SESTD1: variants seen among roughly 807,000 people sequenced by gnomAD.
SESTD1 encodes SEC14 and spectrin domain containing 1.
A neutral mutation model predicts 101.7 loss-of-function variants in SESTD1; 43 were observed. The ratio of observed to expected loss-of-function variants is 0.42; its 90% CI spans 0.33 to 0.55. The LOEUF (loss-of-function observed/expected upper bound fraction) is 0.55. Among genes scored for constraint, SESTD1 ranks in the 20% least tolerant of loss-of-function variants. The pLI is 0.07. For synonymous variants in SESTD1, 283 were observed against 286.8 expected (o/e 0.99, Z 0.13); for missense variants, 647 against 815.1 (o/e 0.79, Z 2.51).
intron 5 of SESTD1, among the ~76,000 whole-genome samples, chr2:179,162,315 C>A (rs747500853): frequency 6.6e-6 from 1 of 151,528 alleles, no homozygotes; most frequent in Non-Finnish European, 1.5e-5. Context: ...GGATATAAAT[C>A]CTCTGGAACA....
intron 1 of SESTD1, among the ~76,000 whole-genome samples, chr2:179,252,881 G>A (rs2047338235): frequency 1.3e-5 from 2 of 152,148 alleles, no homozygotes; most frequent in South Asian, 4.2e-4. Flanking sequence ...TTCCTCTCCT[G>A]GTTTGATACC....
intron 13 of SESTD1, among the ~76,000 whole-genome samples, chr2:179,120,106 A>G (rs1003935903): frequency 3.9e-5 from 6 of 151,960 alleles, no homozygotes; most frequent in African/African-American, 1.5e-4. Flanking sequence ...GCACCCGCCT[A>G]TAGTCCCAGC....
intron 12 of SESTD1, among the ~76,000 whole-genome samples, chr2:179,123,393 T>C (rs1355081052): frequency 6.6e-6 from 1 of 152,024 alleles, no homozygotes; most frequent in Non-Finnish European, 1.5e-5. Flanking sequence ...CCACAGAACA[T>C]TTCACAGCTA....
Position 179,258,869 on chromosome 2 carries a change from G to A in SESTD1, c.-26+5630C>T, listed in dbSNP as rs137989194. On this transcript the variant is annotated intron_variant, in intron 1 of 17. Transcript: ENST00000428443. The stretch of plus-strand genomic sequence containing the variant: ...TACTACTCTTAAGCACTGGCATTGG[G>A]ACACATTAACAATCCTCTATTTGTA... 2.3e-4 allele frequency among the ~76,000 whole-genome samples: 35 copies of A among 152,286 alleles called. 1 individual carries two copies. Among genetic ancestry groups the A allele is most frequent in the Middle Eastern group, 6.8e-3 (2 of 294 alleles).
At chr2:179,193,208 CTAAT>C (rs1194543143) in intron 1 of SESTD1, among the ~76,000 whole-genome samples, 3 of 152,080 alleles carry the variant, frequency 2.0e-5, no homozygotes, top group Non-Finnish European at 4.4e-5. Context: ...TTAAACAAGA[CTAAT>C]TAAACCAGTA....
chr2:179,118,567 AT>A (rs1369011258), intron 13 of SESTD1, among the ~76,000 whole-genome samples: 2 of 152,198 alleles, frequency 1.3e-5, no homozygotes, highest in Non-Finnish European at 2.9e-5. Flanking sequence ...TTAAAAAAAA[AT>A]AAAGATGCTC....
intron 1 of SESTD1, among the ~76,000 whole-genome samples, chr2:179,196,080 CGCAGGTCAGTGGGT>C (rs1559139257): frequency 1.3e-5 from 2 of 152,052 alleles, no homozygotes; most frequent in African/African-American, 2.4e-5. Context: ...AGACAGTGGG[CGCAGGTCAGTGGGT>C]GCACGCACCA....
chr2:179,229,138 G>C (rs1433382896), intron 1 of SESTD1, among the ~76,000 whole-genome samples: 1 of 152,092 alleles, frequency 6.6e-6, no homozygotes, highest in African/African-American at 2.4e-5. Flanking sequence ...AACTTGACTG[G>C]GCCATGAGAT....
chr2:179,153,502 T>G (rs547920757), intron 5 of SESTD1, among the ~76,000 whole-genome samples: 1 of 152,202 alleles, frequency 6.6e-6, no homozygotes, highest in South Asian at 2.1e-4. Flanking sequence ...ACTCTCTCGC[T>G]CTCTCTCTCA....
chr2:179,169,382 A>C (rs1575458265), intron 5 of SESTD1, among the ~76,000 whole-genome samples: 2 of 152,188 alleles, frequency 1.3e-5, no homozygotes, highest in East Asian at 3.8e-4. Context: ...GGCCCTACTC[A>C]CCAAGAAGAC....
chr2:179,115,906 G>C (rs1260225816), intron 15 of SESTD1, among the ~76,000 whole-genome samples: 1 of 152,114 alleles, frequency 6.6e-6, no homozygotes, highest in Non-Finnish European at 1.5e-5. Flanking sequence ...TTCAAAAGTA[G>C]GTGAAATTAG....
Position 179,216,370 on chromosome 2 carries a change from C to T in SESTD1, c.-25-24504G>A, listed in dbSNP as rs1332808244. ...GACACAGAGCCAAATCGTGAGTGAA[C>T]TCCCATTCACAATTGCTTCAGAGAA... On this transcript the variant is annotated intron_variant, in intron 1 of 17. Coordinates refer to ENST00000428443, the MANE Select transcript of SESTD1 (RefSeq NM_178123.5). Among the ~76,000 whole-genome samples, 2 of 135,026 alleles carry T rather than the reference C, an allele frequency of 1.5e-5. 1 individual carries two copies. Among genetic ancestry groups the T allele is most frequent in the Admixed American group, 1.4e-4 (2 of 13,932 alleles). The allele number at this position is 135,026 out of a possible 152,430, so 88.6% of individuals were successfully genotyped here.
chr2:179,185,656 C>T (rs9752316), intron 2 of SESTD1, among the ~76,000 whole-genome samples: 95,024 of 119,080 alleles, frequency 0.8, 37,997 homozygotes, highest in South Asian at 0.92. Context: ...TACAATATAG[C>T]ATATACAATA....
intron 3 of SESTD1, among the ~76,000 whole-genome samples, chr2:179,179,867 C>A (rs947881862): frequency 2.5e-4 from 38 of 152,184 alleles, no homozygotes; most frequent in Non-Finnish European, 1.9e-4. Flanking sequence ...GCCACACTAG[C>A]CTCCTTGATG....
At chr2:179,171,803 T>A (rs2045934776) in intron 5 of SESTD1, among the ~76,000 whole-genome samples, 1 of 152,176 alleles carries the variant, frequency 6.6e-6, no homozygotes, top group Admixed American at 6.5e-5. Flanking sequence ...TGTCCAGGAT[T>A]TCCTAGTATT....
In SESTD1 at chr2:179,176,453, G is replaced by A. The variant is rs758856267; in HGVS notation, c.250C>T (p.Leu84=). The change falls in exon 4 of 18, where the codon CTA becomes TTA. Residue 84 remains leucine (L), a synonymous_variant. Coordinates refer to ENST00000428443, the MANE Select transcript of SESTD1 (RefSeq NM_178123.5). The stretch of plus-strand genomic sequence containing the variant: ...ATAGACAAAACCAAAATTACCTGTA[G>A]CATTACGACTACTGTTTTCACCACA... The part of the protein sequence containing the change: ...WNVVKTVVVM[L]QNVVPAEVSL... 1.2e-6 allele frequency: 2 copies of A among 1,612,330 alleles called. No individual in the cohort carries two copies. The highest frequency in any genetic ancestry group is 4.5e-5 in the East Asian group (2 of 44,796).
rs1447014289 is a variant in SESTD1, at chr2:179,123,076, C to T, written c.1282+639G>A. On this transcript the variant is annotated intron_variant, in intron 12 of 17. Coordinates refer to ENST00000428443, the MANE Select transcript of SESTD1 (RefSeq NM_178123.5). ...CCATTGCCATTTCCCCTTTTGTCCCCCCTTGATACGACTCCCCACCTTCCC... is the reference window on the plus strand; with the variant it reads ...CCATTGCCATTTCCCCTTTTGTCCCTCCTTGATACGACTCCCCACCTTCCC... 2.0e-5 allele frequency among the ~76,000 whole-genome samples: 3 copies of T among 152,108 alleles called. No homozygotes were observed. In the East Asian group the frequency reaches 5.8e-4, roughly 29 times the overall value.
intron 2 of SESTD1, among the ~76,000 whole-genome samples, chr2:179,186,331 C>T (rs1353343853): frequency 6.6e-6 from 1 of 152,080 alleles, no homozygotes; most frequent in Non-Finnish European, 1.5e-5. Flanking sequence ...TGCTCCCACT[C>T]ATAGCTTCCC....
At position 179,106,843 on chromosome 2, in the gene SESTD1, T is replaced by C. The variant is rs985122282; in HGVS notation, c.*3056A>G. 2.6e-5 allele frequency: 4 copies of C among 152,134 alleles called. No homozygotes were observed. The highest frequency in any genetic ancestry group is 4.4e-5 in the Non-Finnish European group (3 of 68,030). 9.4% of individuals were successfully genotyped at this position (152,134 alleles called of 1,614,324 possible). Reference sequence around the variant, plus strand: ...AATTTGACCTAAAATGAAGTCATCATTTTTGCATAACTCTGCTGGGTTAGA... The same window carrying C: ...AATTTGACCTAAAATGAAGTCATCACTTTTGCATAACTCTGCTGGGTTAGA... On this transcript the variant is annotated 3_prime_UTR_variant, in exon 18 of 18. Transcript: ENST00000428443.
Sources: allele counts gnomAD v4.1 joint callset (sites outside exome capture counted in the v4.1 genomes callset), GRCh38; gene constraint gnomAD v4.1.1; transcripts MANE v1.5; gene names NCBI Gene and HGNC (gene_info 2026-07-23, HGNC 2026-07-21).